The following PCED1B variants were observed in gnomAD, a reference collection of about 807,000 sequenced individuals.
The protein encoded by PCED1B is PC-esterase domain containing 1B, also known as PC-esterase domain-containing protein 1B.
For synonymous variants in PCED1B, 251 were observed against 246.1 expected, an observed-to-expected ratio of 1.02 and a Z score of -0.19; for missense variants, 573 against 573.9, an observed-to-expected ratio of 1.00 and a Z score of 0.02.
Position 47,200,839 on chromosome 12 carries a change from A to C in PCED1B, c.-525-15383A>C, listed in dbSNP as rs1041029601. Among the ~76,000 whole-genome samples, 3 of 152,248 alleles carry C rather than the reference A, an allele frequency of 2.0e-5. No homozygotes were observed. In the East Asian group the frequency reaches 5.8e-4, roughly 29 times the overall value. ...GTGGAAAAAATAATAATGAGACTTAAACAATAACAGACATATGCGATGTGG... is the reference window on the plus strand; with the variant it reads ...GTGGAAAAAATAATAATGAGACTTACACAATAACAGACATATGCGATGTGG... On this transcript the variant is annotated intron_variant, in intron 2 of 3. Coordinates refer to ENST00000546455, the MANE Select transcript of PCED1B (RefSeq NM_138371.3).
chr12:47,106,454 G>C (rs1197615555), intron 2 of PCED1B, among the ~76,000 whole-genome samples: 1 of 152,176 alleles, frequency 6.6e-6, no homozygotes, highest in African/African-American at 2.4e-5. Context: ...CTATGAGAAA[G>C]TATAGACTTC....
chr12:47,133,091 T>G (rs73101455), intron 2 of PCED1B, among the ~76,000 whole-genome samples: 3,820 of 152,336 alleles, frequency 0.025, 68 homozygotes, highest in Non-Finnish European at 0.039. Context: ...TACATGTAGT[T>G]CCATAAAATG....
intron 2 of PCED1B, among the ~76,000 whole-genome samples, chr12:47,138,664 C>T (rs1224993239): frequency 1.3e-5 from 2 of 152,130 alleles, no homozygotes; most frequent in Non-Finnish European, 2.9e-5. Flanking sequence ...GGATCCAGTA[C>T]GTATTTCACC....
chr12:47,228,902 T>G (rs1365875848), intron 3 of PCED1B, among the ~76,000 whole-genome samples: 3 of 149,380 alleles, frequency 2.0e-5, no homozygotes, highest in Non-Finnish European at 4.5e-5. Context: ...CATGAAGAGG[T>G]AATGTTGGTA....
chr12:47,108,096 G>A (rs61927671), intron 2 of PCED1B, among the ~76,000 whole-genome samples: 7,472 of 152,242 alleles, frequency 0.049, 313 homozygotes, highest in South Asian at 0.1. Context: ...AAGCTGGTGG[G>A]AAGCCTCCTA....
intron 2 of PCED1B, among the ~76,000 whole-genome samples, chr12:47,138,623 A>T (rs1002656525): frequency 6.6e-6 from 1 of 152,196 alleles, no homozygotes. Flanking sequence ...TCTAAACTCT[A>T]TGGTGCCTCA....
At chr12:47,197,474 G>A (rs879273549) in intron 2 of PCED1B, among the ~76,000 whole-genome samples, 12 of 151,614 alleles carry the variant, frequency 7.9e-5, no homozygotes, top group Non-Finnish European at 8.8e-5. Context: ...TGGGCATTGT[G>A]CTGGGTGCCT....
chr12:47,139,046 G>C lies in PCED1B; in HGVS notation c.-526+34851G>C, dbSNP rs570142290. Among the ~76,000 whole-genome samples the C allele has an allele frequency of 3.4e-4, 51 of 152,176 alleles. 1 individual carries two copies. The highest frequency in any genetic ancestry group is 1.1e-3 in the African/African-American group (45 of 41,510). The stretch of plus-strand genomic sequence containing the variant: ...TGCTTATTATCTGTCTCCTTGAATA[G>C]ACTGTAAGTTTCATGAGTTCAAAGT... On this transcript the variant is annotated intron_variant, in intron 2 of 3. Transcript: ENST00000546455.
chr12:47,085,086 G>A (rs1391273100), intron 1 of PCED1B, among the ~76,000 whole-genome samples: 3 of 152,234 alleles, frequency 2.0e-5, no homozygotes, highest in Admixed American at 2.0e-4. Flanking sequence ...AGAGGTTGCA[G>A]TGAGCAGAGA....
intron 2 of PCED1B, among the ~76,000 whole-genome samples, chr12:47,146,516 T>C (rs1019598112): frequency 8.5e-5 from 13 of 152,224 alleles, no homozygotes; most frequent in African/African-American, 2.9e-4. Flanking sequence ...ATTTCATTTT[T>C]GTCTTATTTT....
At chr12:47,171,448 A>C (rs1941732120) in intron 2 of PCED1B, among the ~76,000 whole-genome samples, 1 of 152,140 alleles carries the variant, frequency 6.6e-6, no homozygotes, top group African/African-American at 2.4e-5. Flanking sequence ...CTCTTGCAGT[A>C]AATTCTTCTT....
In PCED1B at chr12:47,179,638, C is replaced by T. The variant is rs575274490; in HGVS notation, c.-525-36584C>T. 4.1e-4 allele frequency among the ~76,000 whole-genome samples: 62 copies of T among 152,278 alleles called. No individual in the cohort carries two copies. The Middle Eastern group carries it at 0.01, about 25-fold the overall frequency. ...TTGATGATTACAGACCTCACGATGC[C>T]TCTGCTTCATAATTCTGAACATCAC... On this transcript the variant is annotated intron_variant, in intron 2 of 3. Coordinates refer to ENST00000546455, the MANE Select transcript of PCED1B (RefSeq NM_138371.3).
chr12:47,119,754 G>A (rs1039634188), intron 2 of PCED1B, among the ~76,000 whole-genome samples: 3 of 151,264 alleles, frequency 2.0e-5, no homozygotes, highest in Non-Finnish European at 4.4e-5. Flanking sequence ...TGAGGCGTGT[G>A]GATCATCTGA....
chr12:47,203,841 CTGGGT>C (rs1942839553), intron 2 of PCED1B, among the ~76,000 whole-genome samples: 1 of 152,108 alleles, frequency 6.6e-6, no homozygotes, highest in Non-Finnish European at 1.5e-5. Context: ...AATGGGATTG[CTGGGT>C]CTAATGGTAT....
chr12:47,132,788 C>T (rs1289600006), intron 2 of PCED1B, among the ~76,000 whole-genome samples: 1 of 152,160 alleles, frequency 6.6e-6, no homozygotes, highest in African/African-American at 2.4e-5. Context: ...AGAGTAATGT[C>T]CCCTAAATAT....
At chr12:47,178,597 G>T (rs1396779937) in intron 2 of PCED1B, among the ~76,000 whole-genome samples, 1 of 152,068 alleles carries the variant, frequency 6.6e-6, no homozygotes, top group Admixed American at 6.5e-5. Flanking sequence ...GGCCAGGCGC[G>T]GTGGTTCATG....
intron 2 of PCED1B, among the ~76,000 whole-genome samples, chr12:47,150,732 T>TGAGCAGCGAGGAGCTTATG (rs1940960520): frequency 6.6e-6 from 1 of 151,802 alleles, no homozygotes; most frequent in South Asian, 2.1e-4. Context: ...TGGGGTGTGT[T>TGAGCAGCGAGGAGCTTATG]GAGCAGCGAG....
intron 2 of PCED1B, among the ~76,000 whole-genome samples, chr12:47,156,448 A>G (rs1941196219): frequency 6.6e-6 from 1 of 152,098 alleles, no homozygotes; most frequent in African/African-American, 2.4e-5. Context: ...CTTTTCTCAC[A>G]AGGTTCCAGT....
At chr12:47,179,067 A>G (rs918812066) in intron 2 of PCED1B, among the ~76,000 whole-genome samples, 1 of 152,186 alleles carries the variant, frequency 6.6e-6, no homozygotes, top group African/African-American at 2.4e-5. Flanking sequence ...CAAATTGCGA[A>G]TTGGAGCATT....
Sources: gnomAD v4.1 joint callset for allele counts (sites outside exome capture counted in the v4.1 genomes callset) on GRCh38, gnomAD v4.1.1 for gene constraint, MANE v1.5 for transcripts, NCBI Gene and HGNC (gene_info 2026-07-23, HGNC 2026-07-21) for gene names.